Variants in NCAPH observed in about 807,000 individuals in gnomAD.
NCAPH encodes the protein non-SMC condensin I complex subunit H.
NCAPH carries 38 observed loss-of-function variants against 85.5 expected under a neutral mutation model. That is an observed-to-expected ratio of 0.44 (90% confidence interval 0.34 to 0.58). The LOEUF (loss-of-function observed/expected upper bound fraction) is 0.58. Ranked by LOEUF, NCAPH falls within the 20% of genes least tolerant of loss-of-function variation. The pLI is 0.01. For synonymous variants in NCAPH, 301 were observed against 335.1 expected, an observed-to-expected ratio of 0.90 and a Z score of 1.11; for missense variants, 789 against 916.6, an observed-to-expected ratio of 0.86 and a Z score of 1.80.
rs1182984705 is a variant in NCAPH, at chr2:96,365,984, G to A, written c.1807G>A (p.Gly603Ser). 1 of 1,614,066 alleles carries A rather than the reference G, an allele frequency of 6.2e-7. No homozygotes were observed. Among genetic ancestry groups the A allele is most frequent in the Non-Finnish European group, 8.5e-7 (1 of 1,180,048 alleles). The stretch of plus-strand genomic sequence containing the variant: ...TCCACCTAAGACAGCACAACAGAAT[G>A]GTGACACTCCAGAAGCCCAAGGATT... ...CHPPKTAQQN[G>S]DTPEAQGLDI... is the part of the protein sequence containing the mutation. Residue 603 changes from glycine (G) to serine (S), a missense_variant, in exon 14 of 18, where the codon GGT becomes AGT. Coordinates refer to ENST00000240423, the MANE Select transcript of NCAPH (RefSeq NM_015341.5).
chr2:96,372,225 A>G (rs1299407483), intron 17 of NCAPH, among the ~76,000 whole-genome samples: 1 of 152,118 alleles, frequency 6.6e-6, no homozygotes, highest in Non-Finnish European at 1.5e-5. Context: ...GGAGGTAGGT[A>G]GGGAAAGGCC....
intron 5 of NCAPH, 138 bp from the exon 6 acceptor site, chr2:96,343,967 G>A (rs527753166): frequency 7.5e-5 from 82 of 1,100,608 alleles, no homozygotes; most frequent in South Asian, 9.4e-5. Flanking sequence ...CTCCCAAAGC[G>A]CTAGGATTAC....
chr2:96,361,088 C>T (rs1438230696), intron 12 of NCAPH, among the ~76,000 whole-genome samples: 1 of 116,290 alleles, frequency 8.6e-6, no homozygotes, highest in Non-Finnish European at 1.7e-5. Flanking sequence ...GCTCTTGTTG[C>T]CCTAGGCTGG....
intron 5 of NCAPH, 38 bp from the exon 6 acceptor site, chr2:96,344,067 G>A: frequency 6.3e-7 from 1 of 1,588,274 alleles, no homozygotes; most frequent in East Asian, 2.2e-5. Flanking sequence ...ATGCTTCAAA[G>A]CAGCCCTTGC....
At chr2:96,363,319 A>G (rs962968695) in intron 12 of NCAPH, among the ~76,000 whole-genome samples, 11 of 152,224 alleles carry the variant, frequency 7.2e-5, no homozygotes, top group African/African-American at 2.7e-4. Flanking sequence ...CCTGTATTAA[A>G]CACTGGACAT....
At chr2:96,340,498 A>G (rs1488036185) in intron 1 of NCAPH, among the ~76,000 whole-genome samples, 1 of 137,382 alleles carries the variant, frequency 7.3e-6, no homozygotes, top group East Asian at 2.2e-4. Flanking sequence ...TCAAGCGATT[A>G]TCTTGCCTCA....
At chr2:96,366,605 G>A (rs1331214028) in intron 14 of NCAPH, among the ~76,000 whole-genome samples, 1 of 152,080 alleles carries the variant, frequency 6.6e-6, no homozygotes, top group Non-Finnish European at 1.5e-5. Flanking sequence ...TGGGCTGGGC[G>A]TGGTGGCTCA....
intron 12 of NCAPH, among the ~76,000 whole-genome samples, chr2:96,361,287 C>T (rs190018899): frequency 6.6e-6 from 1 of 151,822 alleles, no homozygotes; most frequent in Non-Finnish European, 1.5e-5. Flanking sequence ...TGACCTCAGG[C>T]GATCCACCCA....
intron 9 of NCAPH, among the ~76,000 whole-genome samples, chr2:96,358,211 GACCTAA>G (rs2064549927): frequency 6.6e-6 from 1 of 152,222 alleles, no homozygotes; most frequent in Non-Finnish European, 1.5e-5. Context: ...AAAGCTGGAT[GACCTAA>G]CAGATTATAA....
rs1358940070 is a variant in NCAPH, at chr2:96,344,208, C to T, written c.699C>T (p.Ser233=). The change falls in exon 6 of 18, where the codon TCC becomes TCT. Residue 233 remains serine (S), a synonymous_variant. Coordinates refer to ENST00000240423, the MANE Select transcript of NCAPH (RefSeq NM_015341.5). ...AGAACATAAACAACCTCAATGTCTC[C>T]GAAGCAGATCGGAAGTGTGAGGTGA... ...IEQNINNLNV[S]EADRKCEIDP... The T allele has an allele frequency of 4.3e-6, 7 of 1,611,224 alleles. No individual in the cohort carries two copies. The highest frequency in any genetic ancestry group is 1.1e-5 in the South Asian group (1 of 90,432).
rs149511235 is a variant in NCAPH at position 96,337,236 on chromosome 2, T to C, written c.19+1388T>C. ...TCTAATTCCAAGTTTAGTTTCTCTCTTAGACAAGGTTCTCCTTAAGTGCTT... is the reference window on the plus strand; with the variant it reads ...TCTAATTCCAAGTTTAGTTTCTCTCCTAGACAAGGTTCTCCTTAAGTGCTT... On this transcript the variant is annotated intron_variant, in intron 1 of 17. Transcript: ENST00000240423. Among the ~76,000 whole-genome samples the C allele has an allele frequency of 8.7e-4, 132 of 152,338 alleles. 1 individual carries two copies. The highest frequency in any genetic ancestry group is 1.3e-3 in the Non-Finnish European group (90 of 68,034).
At position 96,375,745 on chromosome 2, in the gene NCAPH, AATT is replaced by A. The variant is rs2064824666; in HGVS notation, c.*2397_*2399del. 6.6e-6 allele frequency among the ~76,000 whole-genome samples: 1 copy of A among 152,176 alleles called. No homozygotes were observed. The highest frequency in any genetic ancestry group is 2.4e-5 in the African/African-American group (1 of 41,440). ...TAGGACTGGTGTGACAGTTCCATGA[AATT>A]ATGAGAGACCGGGGATCCTTCCAGC... On this transcript the variant is annotated 3_prime_UTR_variant, in exon 18 of 18. Transcript: ENST00000240423.
intron 8 of NCAPH, among the ~76,000 whole-genome samples, chr2:96,353,979 T>C (rs901652814): frequency 2.0e-5 from 3 of 152,216 alleles, no homozygotes; most frequent in African/African-American, 2.4e-5. Flanking sequence ...AGCTTCCTCC[T>C]GTGCTGCACA....
intron 12 of NCAPH, among the ~76,000 whole-genome samples, chr2:96,362,229 A>G (rs1275959217): frequency 6.6e-6 from 1 of 150,610 alleles, no homozygotes; most frequent in African/African-American, 2.4e-5. Flanking sequence ...CAGAAAAGCA[A>G]AACAAAAAAA....
chr2:96,363,220 TA>T (rs2104484614), intron 12 of NCAPH, among the ~76,000 whole-genome samples: 1 of 152,330 alleles, frequency 6.6e-6, no homozygotes, highest in East Asian at 1.9e-4. Flanking sequence ...TTAAGGTATG[TA>T]AATTGTTTTT....
chr2:96,340,453 C>T (rs2064276864), intron 1 of NCAPH, among the ~76,000 whole-genome samples: 1 of 142,550 alleles, frequency 7.0e-6, no homozygotes, highest in Admixed American at 7.4e-5. Flanking sequence ...TGCAATGGCA[C>T]AGTCTTGGCT....
At chr2:96,367,196 T>A (rs2064712189) in intron 14 of NCAPH, 61 bp from the exon 15 acceptor site, 7 of 1,216,808 alleles carry the variant, frequency 5.8e-6, no homozygotes, top group Non-Finnish European at 8.3e-6. Context: ...GTTTTTACAG[T>A]GAATTATGGT....
intron 17 of NCAPH, among the ~76,000 whole-genome samples, chr2:96,371,787 GC>G (rs2064777561): frequency 6.6e-6 from 1 of 152,154 alleles, no homozygotes; most frequent in South Asian, 2.1e-4. Context: ...AACACTTAGA[GC>G]CACCAAGAGA....
chr2:96,365,637 T>A (rs970864217), intron 13 of NCAPH, among the ~76,000 whole-genome samples: 2 of 152,186 alleles, frequency 1.3e-5, no homozygotes, highest in Non-Finnish European at 2.9e-5. Context: ...CAATTATGGT[T>A]ATCGAATTCC....
Sources: gnomAD v4.1 joint callset for allele counts (sites outside exome capture counted in the v4.1 genomes callset) on GRCh38, gnomAD v4.1.1 for gene constraint, MANE v1.5 for transcripts, NCBI Gene and HGNC (gene_info 2026-07-23, HGNC 2026-07-21) for gene names.